The following TMEM132D variants were observed in gnomAD, a reference collection of about 807,000 sequenced individuals.
TMEM132D encodes the protein mature OL transmembrane protein.
In TMEM132D, 21 loss-of-function variants were observed where a neutral mutation model predicts 62.3. The ratio of observed to expected loss-of-function variants is 0.34; its 90% CI spans 0.24 to 0.49. The LOEUF is 0.49. Ranked by LOEUF, TMEM132D falls within the 20% of genes least tolerant of loss-of-function variation. The probability of loss-of-function intolerance (pLI) is 0.99; values close to 1 mark genes in which losing one functional copy is unlikely to be tolerated. For missense variants in TMEM132D, 1,346 were observed against 1,402.8 expected (o/e 0.96, Z 0.65); for synonymous variants, 621 against 575.6 (o/e 1.08, Z -1.13).
intron 1 of TMEM132D, among the ~76,000 whole-genome samples, chr12:129,712,090 A>G (rs1868390433): frequency 6.6e-6 from 1 of 151,888 alleles, no homozygotes; most frequent in Admixed American, 6.6e-5. Context: ...ACTCCGCACA[A>G]TATGTTTTCA....
At chr12:129,172,699 C>T (rs1310773126) in intron 5 of TMEM132D, among the ~76,000 whole-genome samples, 1 of 152,218 alleles carries the variant, frequency 6.6e-6, no homozygotes, top group Non-Finnish European at 1.5e-5. Flanking sequence ...CTGCCTCAGC[C>T]TCCTGAGTAG....
At chr12:129,147,377 GC>G (rs1294663058) in intron 5 of TMEM132D, among the ~76,000 whole-genome samples, 2 of 149,742 alleles carry the variant, frequency 1.3e-5, no homozygotes, top group African/African-American at 4.9e-5. Flanking sequence ...ATATATCATG[GC>G]CTTTTGCCCT....
chr12:129,319,506 T>G (rs531123218), intron 4 of TMEM132D, among the ~76,000 whole-genome samples: 1 of 152,304 alleles, frequency 6.6e-6, no homozygotes, highest in East Asian at 1.9e-4. Context: ...GTCTCATCAC[T>G]TATGTCCTTA....
In TMEM132D at chr12:129,859,261, G is replaced by A. The variant is rs141994162; in HGVS notation, c.79+44000C>T. Among the ~76,000 whole-genome samples the A allele has an allele frequency of 4.2e-3, 639 of 152,308 alleles. 4 individuals are homozygous for A. Among genetic ancestry groups the A allele is most frequent in the African/African-American group, 0.015 (615 of 41,574 alleles). On this transcript the variant is annotated intron_variant, in intron 1 of 8. Coordinates refer to ENST00000422113, the MANE Select transcript of TMEM132D (RefSeq NM_133448.3). ...TCGAGAACCATAGACATAGACCCCT[G>A]CTGTTTATAAGCCACCCATCTATGG...
intron 2 of TMEM132D, among the ~76,000 whole-genome samples, chr12:129,583,135 A>G (rs1415181616): frequency 2.0e-5 from 3 of 152,232 alleles, no homozygotes; most frequent in African/African-American, 7.2e-5. Context: ...CATCTACAGA[A>G]TGAATGGGAA....
chr12:129,106,343 T>C (rs1337154068), intron 5 of TMEM132D, among the ~76,000 whole-genome samples: 1 of 150,424 alleles, frequency 6.6e-6, no homozygotes, highest in Non-Finnish European at 1.5e-5. Context: ...GTGCAGCGCA[T>C]CAGCATGGCA....
chr12:129,711,233 G>A (rs1311261355), intron 1 of TMEM132D, among the ~76,000 whole-genome samples: 1 of 152,126 alleles, frequency 6.6e-6, no homozygotes, highest in Non-Finnish European at 1.5e-5. Context: ...CCGTTGTTCC[G>A]GTATCACATG....
At chr12:129,177,352 G>A (rs1415992909) in intron 5 of TMEM132D, among the ~76,000 whole-genome samples, 1 of 152,174 alleles carries the variant, frequency 6.6e-6, no homozygotes, top group Non-Finnish European at 1.5e-5. Context: ...AGAGGGCAGG[G>A]AGACAATAAA....
intron 3 of TMEM132D, among the ~76,000 whole-genome samples, chr12:129,527,038 G>A (rs1411823776): frequency 2.0e-5 from 3 of 152,222 alleles, no homozygotes; most frequent in Admixed American, 2.0e-4. Context: ...GCTGGGTACG[G>A]TGGCTCATTC....
intron 2 of TMEM132D, among the ~76,000 whole-genome samples, chr12:129,621,946 G>C: frequency 6.6e-6 from 1 of 152,102 alleles, no homozygotes; most frequent in East Asian, 1.9e-4. Context: ...TCTATGCTAT[G>C]GTCTGTTCTC....
At chr12:129,188,927 C>T (rs569374311) in intron 5 of TMEM132D, among the ~76,000 whole-genome samples, 6 of 152,256 alleles carry the variant, frequency 3.9e-5, no homozygotes, top group South Asian at 4.2e-4. Flanking sequence ...TGGCATGCAC[C>T]GTTCTGACTT....
intron 7 of TMEM132D, among the ~76,000 whole-genome samples, chr12:129,079,254 G>T (rs181455251): frequency 8.5e-5 from 13 of 152,094 alleles, no homozygotes; most frequent in African/African-American, 2.9e-4. Context: ...TCAATCACGC[G>T]TGTCACTGGA....
intron 1 of TMEM132D, among the ~76,000 whole-genome samples, chr12:129,890,894 G>A (rs1178185176): frequency 1.3e-5 from 2 of 152,114 alleles, no homozygotes; most frequent in South Asian, 2.1e-4. Flanking sequence ...TAAAATACTC[G>A]AACCAAATAG....
intron 4 of TMEM132D, among the ~76,000 whole-genome samples, chr12:129,283,859 T>G (rs1297146028): frequency 6.6e-6 from 1 of 152,246 alleles, no homozygotes; most frequent in African/African-American, 2.4e-5. Flanking sequence ...CTCCTCTCTG[T>G]GTACATGCAC....
chr12:129,840,063 C>T (rs1477912224), intron 1 of TMEM132D: 3 of 152,186 alleles, frequency 2.0e-5, no homozygotes, highest in African/African-American at 7.2e-5. Flanking sequence ...TATGAATGTA[C>T]TAATATATTA....
At chr12:129,790,425 G>A (rs544420530) in intron 1 of TMEM132D, among the ~76,000 whole-genome samples, 2 of 152,322 alleles carry the variant, frequency 1.3e-5, no homozygotes, top group East Asian at 3.9e-4. Flanking sequence ...GCTCTCAGCA[G>A]GAAGGGGAGC....
chr12:129,321,749 C>G (rs57289073), intron 4 of TMEM132D, among the ~76,000 whole-genome samples: 1 of 152,152 alleles, frequency 6.6e-6, no homozygotes, highest in South Asian at 2.1e-4. Context: ...TTAGTAGAGA[C>G]GGGGTTTCAC....
intron 3 of TMEM132D, among the ~76,000 whole-genome samples, chr12:129,503,504 G>A (rs1875218190): frequency 6.6e-6 from 1 of 152,106 alleles, no homozygotes; most frequent in Non-Finnish European, 1.5e-5. Context: ...CAAAGAAAAA[G>A]CTTATGTAAG....
At chr12:129,298,889 A>C (rs1186881322) in intron 4 of TMEM132D, among the ~76,000 whole-genome samples, 1 of 151,870 alleles carries the variant, frequency 6.6e-6, no homozygotes, top group Admixed American at 6.6e-5. Context: ...ACTCATTATT[A>C]AATGTGCTGA....
Sources: gnomAD v4.1 joint callset for allele counts (sites outside exome capture counted in the v4.1 genomes callset) on GRCh38, gnomAD v4.1.1 for gene constraint, MANE v1.5 for transcripts, NCBI Gene and HGNC (gene_info 2026-07-23, HGNC 2026-07-21) for gene names.